Variants in TTLL11 observed in about 807,000 individuals in gnomAD.
TTLL11 encodes the protein tubulin tyrosine ligase like 11.
TTLL11 carries 42 observed loss-of-function variants against 51.7 expected under a neutral mutation model. That is an observed-to-expected ratio of 0.81 (90% CI 0.64 to 1.05). The LOEUF (loss-of-function observed/expected upper bound fraction) is 1.05. Ranked by LOEUF, TTLL11 falls within the 50% of genes least tolerant of loss-of-function variation. The pLI, the probability that TTLL11 is intolerant of heterozygous loss-of-function variation, is 0.00. For missense variants in TTLL11, 799 were observed against 940.4 expected (o/e 0.85, Z 1.97); for synonymous variants, 381 against 383.5 (o/e 0.99, Z 0.08).
chr9:121,831,184 C>T (rs1588054391), intron 8 of TTLL11, among the ~76,000 whole-genome samples: 1 of 152,238 alleles, frequency 6.6e-6, no homozygotes, highest in African/African-American at 2.4e-5. Flanking sequence ...CAATGGTTTT[C>T]AAACATTTTA....
At position 122,054,615 on chromosome 9, in the gene TTLL11, A is replaced by C. The variant is rs560819198; in HGVS notation, c.463-15247T>G. 5.3e-5 allele frequency among the ~76,000 whole-genome samples: 8 copies of C among 152,334 alleles called. No individual in the cohort carries two copies. The South Asian group carries it at 1.7e-3, about 32-fold the overall frequency. On this transcript the variant is annotated intron_variant, in intron 1 of 8. Transcript: ENST00000321582. ...ATACAAACAACAAAATAATCTCTTTAAATGACTCTTACTCCATTCCAACAT... is the reference window on the plus strand; with the variant it reads ...ATACAAACAACAAAATAATCTCTTTCAATGACTCTTACTCCATTCCAACAT...
At chr9:121,992,478 T>C (rs1843144522) in intron 3 of TTLL11, among the ~76,000 whole-genome samples, 1 of 152,254 alleles carries the variant, frequency 6.6e-6, no homozygotes, top group African/African-American at 2.4e-5. Context: ...CCTGGGCATG[T>C]GTATTCTGGA....
At chr9:121,858,667 C>T (rs1837904496) in intron 8 of TTLL11, among the ~76,000 whole-genome samples, 1 of 148,818 alleles carries the variant, frequency 6.7e-6, no homozygotes, top group African/African-American at 2.6e-5. Flanking sequence ...GGCAGACTGC[C>T]CCCAGGATTC....
intron 3 of TTLL11, among the ~76,000 whole-genome samples, chr9:122,030,179 G>T (rs1435798787): frequency 7.8e-6 from 1 of 127,404 alleles, no homozygotes. Context: ...AACAGCATGA[G>T]CAGAGCCACA....
intron 8 of TTLL11, among the ~76,000 whole-genome samples, chr9:121,856,957 G>A (rs950913019): frequency 6.6e-6 from 1 of 152,222 alleles, no homozygotes; most frequent in African/African-American, 2.4e-5. Flanking sequence ...GTCCTAAGAA[G>A]GTGGCTGTCT....
chr9:121,915,992 C>A (rs1178898241), intron 6 of TTLL11, among the ~76,000 whole-genome samples: 7 of 25,888 alleles, frequency 2.7e-4, no homozygotes, highest in Non-Finnish European at 1.1e-3. Context: ...CACACACATA[C>A]ACACACACAC....
At chr9:122,060,475 G>A (rs1845408801) in intron 1 of TTLL11, among the ~76,000 whole-genome samples, 1 of 152,188 alleles carries the variant, frequency 6.6e-6, no homozygotes, top group Admixed American at 6.5e-5. Flanking sequence ...TAGAGCATGG[G>A]AAAGCCAAGA....
At chr9:121,898,509 G>A (rs1309806986) in intron 6 of TTLL11, among the ~76,000 whole-genome samples, 3 of 152,272 alleles carry the variant, frequency 2.0e-5, no homozygotes, top group Admixed American at 1.3e-4. Context: ...GCCTGAGAGG[G>A]TGGGGCAGGG....
intron 8 of TTLL11, among the ~76,000 whole-genome samples, chr9:121,842,946 C>T (rs1588063458): frequency 6.6e-6 from 1 of 152,158 alleles, no homozygotes; most frequent in East Asian, 1.9e-4. Flanking sequence ...TCTCTGTAAC[C>T]TGGAGTACAG....
rs914261788 is a variant in TTLL11 at position 121,890,100 on chromosome 9, G to T, written c.1482-19352C>A. ...ATTCATGGACATTGTAAATAATGCT[G>T]CTATAAACAAGGTGAACAGGGCAAG... On this transcript the variant is annotated intron_variant, in intron 6 of 8. Coordinates refer to ENST00000321582, the MANE Select transcript of TTLL11 (RefSeq NM_001139442.2). The surrounding 1 kb of genome is among the most constrained non-coding windows in gnomAD (Gnocchi z 4.3). Among the ~76,000 whole-genome samples the T allele has an allele frequency of 1.3e-5, 2 of 152,124 alleles. No individual in the cohort carries two copies. The highest frequency in any genetic ancestry group is 2.9e-5 in the Non-Finnish European group (2 of 68,036).
intron 6 of TTLL11, among the ~76,000 whole-genome samples, chr9:121,923,621 T>C (rs1016345623): frequency 1.3e-5 from 2 of 149,964 alleles, no homozygotes; most frequent in Non-Finnish European, 3.0e-5. Context: ...TGTACCTCAT[T>C]TTACAGGTAA....
rs1047709435 is a variant in TTLL11 at position 122,093,044 on chromosome 9, C to A, written c.105G>T (p.Glu35Asp). ...AAKAEAEATA[E>D]TVAEQVRVDA... ...CCACGCGGACCTGTTCCGCCACCGTCTCCGCTGTGGCCTCGGCCTCAGCTT... is the reference window on the plus strand; with the variant it reads ...CCACGCGGACCTGTTCCGCCACCGTATCCGCTGTGGCCTCGGCCTCAGCTT... Residue 35 changes from glutamate to aspartate, a missense_variant, in exon 1 of 9, where the codon GAG becomes GAT. Glu to Asp is a conservative substitution (Grantham distance 45). Around this residue, in one of 3 missense-constraint regions of TTLL11, gnomAD observed 166 missense variants for 161.6 expected, o/e 1.03. Coordinates refer to ENST00000321582, the MANE Select transcript of TTLL11 (RefSeq NM_001139442.2). 8 of 1,511,020 alleles carry A rather than the reference C, an allele frequency of 5.3e-6. No individual in the cohort carries two copies. In the South Asian group the frequency reaches 7.4e-5, roughly 14 times the overall value. The allele number at this position is 1,511,020 out of a possible 1,614,324, so 93.6% of individuals were successfully genotyped here.
At chr9:121,866,407 C>T (rs1838175472) in intron 7 of TTLL11, among the ~76,000 whole-genome samples, 1 of 152,240 alleles carries the variant, frequency 6.6e-6, no homozygotes, top group South Asian at 2.1e-4. Flanking sequence ...TGCCTGTAAT[C>T]CCAGCACTTT....
chr9:121,852,658 G>A (rs970395803), intron 8 of TTLL11, among the ~76,000 whole-genome samples: 7 of 152,196 alleles, frequency 4.6e-5, no homozygotes, highest in Non-Finnish European at 8.8e-5. Flanking sequence ...GGCAGCGGGT[G>A]TGACTCCACC....
chr9:122,031,214 G>C (rs545968298), intron 3 of TTLL11, among the ~76,000 whole-genome samples: 1 of 152,320 alleles, frequency 6.6e-6, no homozygotes, highest in South Asian at 2.1e-4. Context: ...GCTCAAACCT[G>C]GTGCTTCGAG....
intron 1 of TTLL11, among the ~76,000 whole-genome samples, chr9:122,072,860 G>A (rs373406335): frequency 3.3e-5 from 5 of 152,140 alleles, no homozygotes; most frequent in South Asian, 4.2e-4. Context: ...TTCCTACACC[G>A]GATAGTAATA....
At chr9:121,967,318 G>A (rs1021260196) in intron 6 of TTLL11, among the ~76,000 whole-genome samples, 19 of 144,354 alleles carry the variant, frequency 1.3e-4, no homozygotes, top group Non-Finnish European at 2.7e-4. Context: ...TCCGCCTCCC[G>A]GGTTCAAGCG....
At chr9:121,986,423 G>A (rs546967467) in intron 4 of TTLL11, among the ~76,000 whole-genome samples, 24 of 152,200 alleles carry the variant, frequency 1.6e-4, no homozygotes, top group Non-Finnish European at 3.2e-4. Flanking sequence ...ACCCCTGGAC[G>A]TGTCCACGTT....
intron 1 of TTLL11, among the ~76,000 whole-genome samples, chr9:122,070,222 A>G (rs2131891732): frequency 6.6e-6 from 1 of 152,250 alleles, no homozygotes; most frequent in Non-Finnish European, 1.5e-5. Flanking sequence ...ACTGAGCTGG[A>G]TATTGAAAGG....
Sources: allele counts gnomAD v4.1 joint callset (sites outside exome capture counted in the v4.1 genomes callset), GRCh38; gene constraint gnomAD v4.1.1; regional missense constraint gnomAD v4.1.1; non-coding constraint Gnocchi (gnomAD v3.1); transcripts MANE v1.5; gene names NCBI Gene and HGNC (gene_info 2026-07-23, HGNC 2026-07-21).